ROCK1: variants seen among roughly 807,000 people sequenced by gnomAD.
The protein encoded by ROCK1 is rho-associated protein kinase 1.
Under a neutral mutation model 196.8 loss-of-function variants are expected in ROCK1, and 36 were observed. The observed-to-expected ratio is 0.18, with a 90% confidence interval of 0.14 to 0.24. ROCK1 has a LOEUF of 0.24. ROCK1 is among the 10% of genes least tolerant of loss of function. ROCK1 has a pLI of 1.00. For missense variants in ROCK1, 920 were observed against 1,562.0 expected (o/e 0.59, Z 6.93); for synonymous variants, 443 against 515.9 (o/e 0.86, Z 1.91).
intron 9 of ROCK1, 142 bp from the exon 10 acceptor site, chr18:21,029,077 T>C (rs2035984967): frequency 2.8e-6 from 2 of 705,736 alleles, no homozygotes; most frequent in African/African-American, 1.8e-5. Context: ...TCCTATTACA[T>C]CAAGCTTTAC....
intron 25 of ROCK1, chr18:20,968,371 A>T: frequency 5.7e-6 from 1 of 174,422 alleles, no homozygotes; most frequent in Non-Finnish European, 1.2e-5. Context: ...CAGTGGCATG[A>T]TCTTTGCTCA....
Position 21,039,962 on chromosome 18 carries a change from C to T in ROCK1, c.960-399G>A, listed in dbSNP as rs137917197. Among the ~76,000 whole-genome samples, 17 of 152,256 alleles carry T rather than the reference C, an allele frequency of 1.1e-4. No homozygotes were observed. The East Asian group carries it at 1.7e-3, about 16-fold the overall frequency. On this transcript the variant is annotated intron_variant, in intron 8 of 32. Coordinates refer to ENST00000399799, the MANE Select transcript of ROCK1 (RefSeq NM_005406.3). ...GTCCCAGCTACTTGGGAGGCTGAGA[C>T]AGGAGAATCGCTTGAACCCGGGAGG...
In ROCK1 at chr18:21,078,749, G is replaced by A. The variant is rs2036457471; in HGVS notation, c.94-8136C>T. Among the ~76,000 whole-genome samples the A allele has an allele frequency of 2.0e-5, 3 of 152,094 alleles. No homozygotes were observed. In the South Asian group the frequency reaches 6.2e-4, roughly 32 times the overall value. On this transcript the variant is annotated intron_variant, in intron 1 of 32. Coordinates refer to ENST00000399799, the MANE Select transcript of ROCK1 (RefSeq NM_005406.3). Reference sequence around the variant, plus strand: ...ATAACAGCTAGTGGATGCACCTTGGGGATTCAGGACTTTACAAGCTTGTAA... The same window carrying A: ...ATAACAGCTAGTGGATGCACCTTGGAGATTCAGGACTTTACAAGCTTGTAA...
At chr18:20,992,966 G>T in intron 16 of ROCK1, 29 bp from the exon 17 acceptor site, 1 of 1,382,100 alleles carries the variant, frequency 7.2e-7, no homozygotes, top group Non-Finnish European at 1.0e-6. Flanking sequence ...GTTCAAGTCT[G>T]TAGTCATTGA....
intron 29 of ROCK1, among the ~76,000 whole-genome samples, chr18:20,959,034 TTATATAA>T (rs1329200885): frequency 7.6e-5 from 4 of 52,596 alleles, no homozygotes; most frequent in East Asian, 9.7e-4. Flanking sequence ...TATATATATT[TTATATAA>T]TATATAATAT....
At chr18:21,052,596 G>A (rs996571172) in intron 2 of ROCK1, among the ~76,000 whole-genome samples, 1 of 152,166 alleles carries the variant, frequency 6.6e-6, no homozygotes, top group Non-Finnish European at 1.5e-5. Context: ...AGCATGAGGT[G>A]AGCAGTGGGT....
intron 20 of ROCK1, 48 bp downstream of exon 20, chr18:20,984,300 AATG>A: frequency 7.4e-7 from 1 of 1,348,942 alleles, no homozygotes; most frequent in Non-Finnish European, 1.0e-6. Context: ...CACACAAGTC[AATG>A]ATGAACACAA....
intron 1 of ROCK1, among the ~76,000 whole-genome samples, chr18:21,075,304 TC>T (rs1398393648): frequency 2.0e-5 from 3 of 152,088 alleles, no homozygotes; most frequent in African/African-American, 7.2e-5. Flanking sequence ...GGCAAAAGAA[TC>T]TGATGAATAA....
intron 12 of ROCK1, among the ~76,000 whole-genome samples, chr18:21,018,427 G>C (rs1361459744): frequency 6.6e-6 from 1 of 151,668 alleles, no homozygotes; most frequent in East Asian, 1.9e-4. Flanking sequence ...CTACTCGGGG[G>C]ACTGAGGCAA....
In ROCK1 at chr18:21,039,506, T is replaced by C. The variant is rs773610736; in HGVS notation, c.1017A>G (p.Lys339=). 16 of 1,613,888 alleles carry C rather than the reference T, an allele frequency of 9.9e-6. No individual in the cohort carries two copies. The highest frequency in any genetic ancestry group is 1.4e-5 in the Non-Finnish European group (16 of 1,179,976). ...GCGTTTCCCAAGCCCACTGGTCATT[T>C]TTGAAGAAGAGATGTCGTTTGATTT... ...VEEIKRHLFF[K]NDQWAWETLR... Residue 339 remains lysine (K), a synonymous_variant, in exon 9 of 33, where the codon AAA becomes AAG. Transcript: ENST00000399799.
chr18:21,056,328 G>A (rs2143528004), intron 2 of ROCK1, among the ~76,000 whole-genome samples: 1 of 152,196 alleles, frequency 6.6e-6, no homozygotes, highest in Middle Eastern at 3.4e-3. Flanking sequence ...AAAAACTGAA[G>A]AAATATTCTC....
At chr18:21,021,337 G>A (rs1471167939) in intron 11 of ROCK1, among the ~76,000 whole-genome samples, 2 of 152,104 alleles carry the variant, frequency 1.3e-5, no homozygotes, top group Admixed American at 6.6e-5. Context: ...TACCTACAGA[G>A]AAAGAGCAGA....
intron 18 of ROCK1, among the ~76,000 whole-genome samples, chr18:20,988,822 T>A (rs545194692): frequency 4.6e-5 from 7 of 152,334 alleles, no homozygotes; most frequent in East Asian, 1.9e-4. Context: ...TATTATTATT[T>A]TTTTTTGTCT....
At chr18:21,037,471 G>C (rs1280310852) in intron 9 of ROCK1, among the ~76,000 whole-genome samples, 1 of 152,152 alleles carries the variant, frequency 6.6e-6, no homozygotes, top group Non-Finnish European at 1.5e-5. Context: ...GCAGGTCAAA[G>C]AGGTCAGTTC....
At chr18:21,094,002 C>T (rs1176359895) in intron 1 of ROCK1, among the ~76,000 whole-genome samples, 1 of 151,766 alleles carries the variant, frequency 6.6e-6, no homozygotes, top group Admixed American at 6.6e-5. Context: ...TGGCAACTGA[C>T]CTAAATGTAA....
chr18:21,046,782 ATCT>A (rs1445827761), intron 4 of ROCK1, among the ~76,000 whole-genome samples: 12 of 152,330 alleles, frequency 7.9e-5, no homozygotes, highest in Admixed American at 3.3e-4. Context: ...TTGTCTTAAA[ATCT>A]TCTTAATGTT....
At chr18:21,088,587 C>G (rs1374873524) in intron 1 of ROCK1, among the ~76,000 whole-genome samples, 1 of 152,128 alleles carries the variant, frequency 6.6e-6, no homozygotes, top group East Asian at 1.9e-4. Flanking sequence ...AAGGGATCAT[C>G]TGAACAAATT....
At chr18:20,965,400 CATAT>C (rs1321589432) in intron 27 of ROCK1, among the ~76,000 whole-genome samples, 30 of 130,004 alleles carry the variant, frequency 2.3e-4, no homozygotes, top group Non-Finnish European at 2.6e-4. Flanking sequence ...TACATACATA[CATAT>C]ATACATACAT....
rs555883992 is a variant in ROCK1, at chr18:20,973,944, G to A, written c.2655-3431C>T. 2.0e-5 allele frequency among the ~76,000 whole-genome samples: 3 copies of A among 151,664 alleles called. No homozygotes were observed. The South Asian group carries it at 6.2e-4, about 32-fold the overall frequency. The stretch of plus-strand genomic sequence containing the variant: ...TACAGGCGCCCGCCCGTAATTTTTT[G>A]TATTTTTAGTAGAGACGGGGTTTCT... On this transcript the variant is annotated intron_variant, in intron 22 of 32. Transcript: ENST00000399799.
Sources: gnomAD v4.1 joint callset for allele counts (sites outside exome capture counted in the v4.1 genomes callset) on GRCh38, gnomAD v4.1.1 for gene constraint, MANE v1.5 for transcripts, NCBI Gene and HGNC (gene_info 2026-07-23, HGNC 2026-07-21) for gene names.